Variants in NRG2 observed in about 807,000 individuals in gnomAD.
The protein encoded by NRG2 is neuregulin 2, also known as pro-neuregulin-2, membrane-bound isoform.
A neutral mutation model predicts 73.9 loss-of-function variants in NRG2; 27 were observed. The observed-to-expected ratio is 0.37, with a 90% CI of 0.27 to 0.50. NRG2 has a LOEUF of 0.50. Ranked by LOEUF, NRG2 falls within the 20% of genes least tolerant of loss-of-function variation. NRG2 has a pLI of 0.96. For synonymous variants in NRG2, 532 were observed against 541.0 expected, an observed-to-expected ratio of 0.98 and a Z score of 0.23; for missense variants, 1,126 against 1,210.1, an observed-to-expected ratio of 0.93 and a Z score of 1.03.
intron 1 of NRG2, among the ~76,000 whole-genome samples, chr5:140,016,295 T>G (rs1759772375): frequency 6.6e-6 from 1 of 152,220 alleles, no homozygotes; most frequent in Admixed American, 6.5e-5. Context: ...GATTTCACTC[T>G]CAGGGCCTTA....
chr5:139,938,128 G>T (rs1175223488), intron 1 of NRG2, among the ~76,000 whole-genome samples: 1 of 152,092 alleles, frequency 6.6e-6, no homozygotes, highest in Non-Finnish European at 1.5e-5. Flanking sequence ...GAAAAAGTAA[G>T]ATCTAAATAA....
chr5:140,019,955 T>C (rs1405061872), intron 1 of NRG2, among the ~76,000 whole-genome samples: 4 of 152,204 alleles, frequency 2.6e-5, no homozygotes, highest in African/African-American at 9.6e-5. Context: ...GGTTTCACCA[T>C]GTTGGCCAGG....
chr5:139,905,997 G>T (rs1765200140), intron 1 of NRG2, among the ~76,000 whole-genome samples: 1 of 152,104 alleles, frequency 6.6e-6, no homozygotes, highest in Non-Finnish European at 1.5e-5. Flanking sequence ...GGCCATCAGA[G>T]TGAGCTTTCT....
chr5:139,906,375 C>A (rs775282237), intron 1 of NRG2, among the ~76,000 whole-genome samples: 4 of 152,112 alleles, frequency 2.6e-5, no homozygotes. Flanking sequence ...AACCTAAACT[C>A]CTCATGGGTG....
intron 1 of NRG2, among the ~76,000 whole-genome samples, chr5:139,961,241 C>T (rs1191400617): frequency 1.3e-5 from 2 of 152,152 alleles, no homozygotes; most frequent in Non-Finnish European, 2.9e-5. Flanking sequence ...CCTTGCCTGC[C>T]CTGCTACTGC....
At chr5:139,882,571 T>G (rs1158664934) in intron 2 of NRG2, among the ~76,000 whole-genome samples, 1 of 152,154 alleles carries the variant, frequency 6.6e-6, no homozygotes, top group African/African-American at 2.4e-5. Context: ...GAGGCCCCTC[T>G]GACTAAGACA....
chr5:140,004,987 T>A (rs1278705755), intron 1 of NRG2, among the ~76,000 whole-genome samples: 3 of 152,194 alleles, frequency 2.0e-5, no homozygotes, highest in Admixed American at 6.5e-5. Context: ...AAAGAAAGAT[T>A]AAGTCTTTAA....
intron 1 of NRG2, among the ~76,000 whole-genome samples, chr5:139,995,840 T>C (rs1445089139): frequency 6.6e-6 from 1 of 152,096 alleles, no homozygotes; most frequent in Non-Finnish European, 1.5e-5. Context: ...AGAGCAAGAC[T>C]CTATTTCTAC....
At chr5:139,871,879 G>T (rs1316850362) in intron 3 of NRG2, 38 bp from the exon 4 acceptor site, 1 of 1,607,536 alleles carries the variant, frequency 6.2e-7, no homozygotes, top group Non-Finnish European at 8.5e-7. Context: ...GACGCACTGA[G>T]ACTATCCCTA....
chr5:139,920,844 A>T lies in NRG2; in HGVS notation c.701-33333T>A, dbSNP rs139549156. ...TGTGGGAACTAACAAAAGCTTAACT[A>T]CCATCTTCTGAGGAGGTATCTGTTT... On this transcript the variant is annotated intron_variant, in intron 1 of 9. Transcript: ENST00000361474. 8.5e-5 allele frequency among the ~76,000 whole-genome samples: 13 copies of T among 152,366 alleles called. No individual in the cohort carries two copies. The East Asian group carries it at 2.3e-3, about 27-fold the overall frequency.
At chr5:139,866,359 A>T (rs919045607) in intron 4 of NRG2, among the ~76,000 whole-genome samples, 2 of 152,224 alleles carry the variant, frequency 1.3e-5, no homozygotes, top group African/African-American at 4.8e-5. Flanking sequence ...TTTCAAATTT[A>T]CTTCACCATG....
rs1356967205 is a variant in NRG2, at chr5:139,851,882, C to T, written c.1545-51G>A. 8.4e-6 allele frequency: 13 copies of T among 1,548,186 alleles called. No individual in the cohort carries two copies. Among genetic ancestry groups the T allele is most frequent in the Non-Finnish European group, 8.9e-6 (10 of 1,129,640 alleles). ...GAGGGGTCAGGAAGGGGCAGGGCGG[C>T]CCAGCAGGTGTGGTCCCATGGACCT... On this transcript the variant is annotated intron_variant, in intron 8 of 9. Transcript: ENST00000361474. This position sits in a 1 kb window ranked among gnomAD's most constrained non-coding sequence, Gnocchi z 4.2.
intron 1 of NRG2, among the ~76,000 whole-genome samples, chr5:139,968,047 T>C (rs1032038306): frequency 6.6e-6 from 1 of 152,072 alleles, no homozygotes; most frequent in African/African-American, 2.4e-5. Flanking sequence ...CTCAAGCCCC[T>C]TCCAGAGTTT....
At chr5:140,001,225 A>G (rs777024860) in intron 1 of NRG2, among the ~76,000 whole-genome samples, 1 of 152,198 alleles carries the variant, frequency 6.6e-6, no homozygotes, top group Non-Finnish European at 1.5e-5. Flanking sequence ...TAACTAGCCT[A>G]AAAAAGCTTG....
intron 1 of NRG2, among the ~76,000 whole-genome samples, chr5:139,930,241 C>G (rs1368508089): frequency 6.6e-6 from 1 of 152,166 alleles, no homozygotes; most frequent in African/African-American, 2.4e-5. Flanking sequence ...CCTACTTTCC[C>G]TGGGGCAAGA....
chr5:139,858,047 T>G (rs1422646410), intron 5 of NRG2, among the ~76,000 whole-genome samples: 1 of 152,200 alleles, frequency 6.6e-6, no homozygotes. Flanking sequence ...CTACATTTAT[T>G]TACAACCATA....
chr5:139,977,623 C>G (rs1369911135), intron 1 of NRG2, among the ~76,000 whole-genome samples: 2 of 152,166 alleles, frequency 1.3e-5, no homozygotes, highest in African/African-American at 2.4e-5. Flanking sequence ...CAAAAAAGAG[C>G]CTGCATTGCC....
chr5:139,914,812 G>A (rs1211734092), intron 1 of NRG2, among the ~76,000 whole-genome samples: 1 of 152,150 alleles, frequency 6.6e-6, no homozygotes, highest in East Asian at 1.9e-4. Context: ...TGCCCATGTT[G>A]GGCTCAGCTT....
intron 5 of NRG2, among the ~76,000 whole-genome samples, chr5:139,860,200 G>A (rs1230724178): frequency 3.3e-5 from 5 of 152,100 alleles, no homozygotes; most frequent in Non-Finnish European, 7.3e-5. Context: ...ACCTGGTGGC[G>A]AGGCAGAGGC....
Sources: allele counts gnomAD v4.1 joint callset (sites outside exome capture counted in the v4.1 genomes callset), GRCh38; gene constraint gnomAD v4.1.1; non-coding constraint Gnocchi (gnomAD v3.1); transcripts MANE v1.5; gene names NCBI Gene and HGNC (gene_info 2026-07-23, HGNC 2026-07-21).